SGMS1: variants seen among roughly 807,000 people sequenced by gnomAD.
SGMS1 encodes sphingomyelin synthase 1, also known as phosphatidylcholine:ceramide cholinephosphotransferase 1.
A neutral mutation model predicts 46.2 loss-of-function variants in SGMS1; 13 were observed. The observed-to-expected ratio is 0.28, with a 90% CI of 0.18 to 0.45. The LOEUF (loss-of-function observed/expected upper bound fraction) is 0.45, where lower values mean the gene tolerates loss of function less well. Among genes scored for constraint, SGMS1 ranks in the 20% least tolerant of loss-of-function variants. The pLI is 1.00. For synonymous variants in SGMS1, 203 were observed against 187.8 expected (o/e 1.08, Z -0.66); for missense variants, 324 against 519.9 (o/e 0.62, Z 3.66).
intron 6 of SGMS1, among the ~76,000 whole-genome samples, chr10:50,351,222 C>A (rs541976710): frequency 4.6e-5 from 7 of 152,168 alleles, no homozygotes. Context: ...GGCCAATTTC[C>A]CCCATTTGGA....
intron 6 of SGMS1, among the ~76,000 whole-genome samples, chr10:50,355,273 A>ACCCTCTT (rs1023197179): frequency 1.3e-5 from 2 of 152,054 alleles, no homozygotes; most frequent in African/African-American, 4.8e-5. Context: ...ATAAAAAATG[A>ACCCTCTT]CCCTCTTCCC....
chr10:50,468,845 A>T (rs1837354400), intron 3 of SGMS1, among the ~76,000 whole-genome samples: 1 of 152,262 alleles, frequency 6.6e-6, no homozygotes, highest in Admixed American at 6.5e-5. Context: ...TATCAAAGAC[A>T]TGTAGCTAAA....
At chr10:50,444,021 TG>T (rs763284633) in intron 5 of SGMS1, among the ~76,000 whole-genome samples, 3 of 152,036 alleles carry the variant, frequency 2.0e-5, no homozygotes, top group Admixed American at 2.0e-4. Context: ...CTGAGAGAAA[TG>T]TAAATGTTAT....
At chr10:50,387,308 T>C (rs1378725100) in intron 6 of SGMS1, among the ~76,000 whole-genome samples, 1 of 152,186 alleles carries the variant, frequency 6.6e-6, no homozygotes, top group Non-Finnish European at 1.5e-5. Context: ...GCTCACTCCC[T>C]ATCCCAGGTC....
At chr10:50,383,470 T>C (rs977776893) in intron 6 of SGMS1, among the ~76,000 whole-genome samples, 7 of 152,304 alleles carry the variant, frequency 4.6e-5, no homozygotes, top group South Asian at 2.1e-4. Flanking sequence ...GGCTTTCTTA[T>C]CTTTTGAATT....
chr10:50,558,837 C>G (rs1013310214), intron 2 of SGMS1, among the ~76,000 whole-genome samples: 2 of 151,960 alleles, frequency 1.3e-5, no homozygotes, highest in South Asian at 4.2e-4. Context: ...TCTAGCTTAC[C>G]TACTGTAAGA....
At chr10:50,511,064 G>C (rs1837749520) in intron 3 of SGMS1, among the ~76,000 whole-genome samples, 2 of 152,056 alleles carry the variant, frequency 1.3e-5, no homozygotes, top group African/African-American at 4.8e-5. Flanking sequence ...TGCTCCAGCT[G>C]GTATGTACAA....
At chr10:50,426,251 T>A (rs927627966) in intron 6 of SGMS1, among the ~76,000 whole-genome samples, 8 of 152,218 alleles carry the variant, frequency 5.3e-5, no homozygotes, top group Non-Finnish European at 8.8e-5. Flanking sequence ...AAAGTATTTT[T>A]CGTTTATAAA....
At chr10:50,321,167 G>C (rs1049160550) in intron 8 of SGMS1, among the ~76,000 whole-genome samples, 1 of 152,166 alleles carries the variant, frequency 6.6e-6, no homozygotes, top group African/African-American at 2.4e-5. Flanking sequence ...AGAAAGGCTA[G>C]AGTTTATACA....
rs189314458 is a variant in SGMS1 at position 50,424,710 on chromosome 10, C to G, written c.-232+8766G>C. On this transcript the variant is annotated intron_variant, in intron 6 of 10. Transcript: ENST00000361781. ...ACTTAAACATTCAACAAACAAGAAACAACCCCATTAAAAAGTAGGCAAGGA... is the reference window on the plus strand; with the variant it reads ...ACTTAAACATTCAACAAACAAGAAAGAACCCCATTAAAAAGTAGGCAAGGA... 3.9e-3 allele frequency among the ~76,000 whole-genome samples: 595 copies of G among 152,198 alleles called. 4 individuals are homozygous for G. The highest frequency in any genetic ancestry group is 0.013 in the African/African-American group (552 of 41,544).
chr10:50,321,047 G>GT (rs11372700), intron 8 of SGMS1, among the ~76,000 whole-genome samples: 54,307 of 152,078 alleles, frequency 0.36, 11,094 homozygotes, highest in East Asian at 0.64. Flanking sequence ...CTCTAGAAAC[G>GT]TTGCTCAGGA....
chr10:50,524,414 G>A (rs1388626571), intron 2 of SGMS1, among the ~76,000 whole-genome samples: 2 of 152,142 alleles, frequency 1.3e-5, no homozygotes, highest in Non-Finnish European at 2.9e-5. Flanking sequence ...CATCACTAGT[G>A]AAAAACTTGT....
intron 2 of SGMS1, among the ~76,000 whole-genome samples, chr10:50,534,605 G>C: frequency 6.6e-6 from 1 of 152,104 alleles, no homozygotes. Context: ...TCACTACTAA[G>C]ATGCAAAATT....
At chr10:50,368,697 C>A (rs544400215) in intron 6 of SGMS1, among the ~76,000 whole-genome samples, 2 of 152,296 alleles carry the variant, frequency 1.3e-5, no homozygotes, top group South Asian at 4.1e-4. Flanking sequence ...ACTTCCATAA[C>A]TATAATTCAA....
chr10:50,477,201 T>C (rs1177353030), intron 3 of SGMS1, among the ~76,000 whole-genome samples: 1 of 152,250 alleles, frequency 6.6e-6, no homozygotes, highest in Non-Finnish European at 1.5e-5. Context: ...TGGAAGTCCA[T>C]GCCTGGCATC....
intron 1 of SGMS1, among the ~76,000 whole-genome samples, chr10:50,616,240 C>G (rs542250051): frequency 1.1e-4 from 16 of 152,106 alleles, no homozygotes; most frequent in African/African-American, 3.1e-4. Context: ...TCAGCCCCCC[C>G]GCCCCAAGTA....
At chr10:50,528,620 G>T (rs1220365116) in intron 2 of SGMS1, among the ~76,000 whole-genome samples, 1 of 152,160 alleles carries the variant, frequency 6.6e-6, no homozygotes, top group Non-Finnish European at 1.5e-5. Flanking sequence ...AGAAGCCTAG[G>T]CTGGGTGGTA....
At chr10:50,384,274 T>G (rs1466497913) in intron 6 of SGMS1, among the ~76,000 whole-genome samples, 2 of 152,222 alleles carry the variant, frequency 1.3e-5, no homozygotes, top group East Asian at 3.8e-4. Flanking sequence ...CTTGAGTAAG[T>G]TATCTAACAT....
intron 6 of SGMS1, among the ~76,000 whole-genome samples, chr10:50,430,523 T>C (rs1464663398): frequency 6.9e-6 from 1 of 144,534 alleles, no homozygotes; most frequent in Non-Finnish European, 1.5e-5. Flanking sequence ...CCATGCAAAA[T>C]AGTTTTGCAA....
Sources: allele counts gnomAD v4.1 joint callset (sites outside exome capture counted in the v4.1 genomes callset), GRCh38; gene constraint gnomAD v4.1.1; transcripts MANE v1.5; gene names NCBI Gene and HGNC (gene_info 2026-07-23, HGNC 2026-07-21).